ZNF157: variants seen among roughly 807,000 people sequenced by gnomAD.
ZNF157 encodes the protein zinc finger protein 157.
In ZNF157, 8 loss-of-function variants were observed where a neutral mutation model predicts 9.4. The ratio of observed to expected loss-of-function variants is 0.85; its 90% CI spans 0.50 to 1.53. The LOEUF is 1.53. Ranked by LOEUF, ZNF157 falls within the 40% of genes most tolerant of loss-of-function variation. The pLI, the probability that ZNF157 is intolerant of heterozygous loss-of-function variation, is 0.00. For missense variants in ZNF157, 316 were observed against 385.2 expected, an observed-to-expected ratio of 0.82 and a Z score of 1.50; for synonymous variants, 120 against 130.8, an observed-to-expected ratio of 0.92 and a Z score of 0.56.
Position 47,381,320 on chromosome X carries a change from G to T in ZNF157, c.72+10580G>T, listed in dbSNP as rs761390094. The stretch of plus-strand genomic sequence containing the variant: ...CATCACCTCCTGGTGGGGTTTGAGG[G>T]GGGGTGCTCTCCTGCTCTGCTCATG... On this transcript the variant is annotated intron_variant, in intron 1 of 3. Coordinates refer to ENST00000377073, the MANE Select transcript of ZNF157 (RefSeq NM_003446.4). Among the ~76,000 whole-genome samples the T allele has an allele frequency of 4.5e-5, 5 of 110,951 alleles. No individual in the cohort carries two copies. In the South Asian group the frequency reaches 1.9e-3, roughly 42 times the overall value.
At chrX:47,402,736 G>A (rs2055934390) in intron 1 of ZNF157, among the ~76,000 whole-genome samples, 1 of 107,172 alleles carries the variant, frequency 9.3e-6, no homozygotes, top group African/African-American at 3.4e-5. Flanking sequence ...TAGACATGGG[G>A]TTTCACCGTG....
chrX:47,378,607 C>T (rs1323836654), intron 1 of ZNF157, among the ~76,000 whole-genome samples: 5 of 111,854 alleles, frequency 4.5e-5, no homozygotes, highest in Non-Finnish European at 9.4e-5. Flanking sequence ...CTTAGGCCGA[C>T]GCAGGCAGAT....
At chrX:47,397,869 T>C (rs2055918586) in intron 1 of ZNF157, among the ~76,000 whole-genome samples, 1 of 111,053 alleles carries the variant, frequency 9.0e-6, no homozygotes, top group Non-Finnish European at 1.9e-5. Flanking sequence ...TATCTCTTGG[T>C]GGAAGCTTTC....
intron 1 of ZNF157, among the ~76,000 whole-genome samples, chrX:47,408,711 C>T (rs760116714): frequency 1.8e-5 from 2 of 111,987 alleles, no homozygotes; most frequent in Admixed American, 1.9e-4. Flanking sequence ...CCACTGCGCC[C>T]GGACAGCAGG....
intron 1 of ZNF157, among the ~76,000 whole-genome samples, chrX:47,374,740 G>A (rs1222452545): frequency 3.3e-4 from 19 of 58,091 alleles, no homozygotes; most frequent in Middle Eastern, 0.022. Context: ...ATGGAGTCTC[G>A]ATCTGTCACC....
intron 1 of ZNF157, among the ~76,000 whole-genome samples, chrX:47,383,958 A>G (rs2055872088): frequency 9.1e-6 from 1 of 110,349 alleles, no homozygotes; most frequent in South Asian, 3.8e-4. Flanking sequence ...CATTTGGGTG[A>G]AAATTGGAAT....
chrX:47,393,741 C>CA (rs1340299146), intron 1 of ZNF157, among the ~76,000 whole-genome samples: 3 of 30,943 alleles, frequency 9.7e-5, no homozygotes, highest in South Asian at 1.8e-3. Context: ...CCCTCCCCCG[C>CA]CCTTTTTTTT....
intron 1 of ZNF157, among the ~76,000 whole-genome samples, chrX:47,380,028 T>A (rs2055856551): frequency 1.8e-5 from 2 of 110,875 alleles, no homozygotes; most frequent in African/African-American, 6.6e-5. Context: ...CCTTTCCATA[T>A]AAACTTTAGA....
At position 47,386,541 on chromosome X, in the gene ZNF157, C is replaced by A. The variant is rs752379579; in HGVS notation, c.72+15801C>A. ...GTGGTGCGATCTCGGCTTGCTGCAA[C>A]CTTTGCCTCCCAGGTTCAAGCAATT... On this transcript the variant is annotated intron_variant, in intron 1 of 3. Transcript: ENST00000377073. Among the ~76,000 whole-genome samples the A allele has an allele frequency of 2.7e-5, 3 of 110,739 alleles. No homozygotes were observed. The Admixed American group carries it at 2.9e-4, about 11-fold the overall frequency.
chrX:47,374,972 C>T (rs140697043), intron 1 of ZNF157, among the ~76,000 whole-genome samples: 7,115 of 88,376 alleles, frequency 0.081, 810 homozygotes, highest in African/African-American at 0.28. Flanking sequence ...GGATTACAGG[C>T]GTGAGCCCTG....
intron 3 of ZNF157, among the ~76,000 whole-genome samples, chrX:47,411,876 C>T (rs767465731): frequency 1.8e-5 from 2 of 111,666 alleles, no homozygotes; most frequent in Admixed American, 9.6e-5. Flanking sequence ...CAGAAACAAA[C>T]AAATACATCA....
At chrX:47,374,542 G>A (rs1569255917) in intron 1 of ZNF157, among the ~76,000 whole-genome samples, 1 of 105,241 alleles carries the variant, frequency 9.5e-6, no homozygotes, top group Non-Finnish European at 1.9e-5. Context: ...GGGATTACAG[G>A]CACCCAACAC....
chrX:47,380,540 A>T (rs960726617), intron 1 of ZNF157, among the ~76,000 whole-genome samples: 1 of 110,267 alleles, frequency 9.1e-6, no homozygotes, highest in African/African-American at 3.3e-5. Flanking sequence ...TTCCCTTACC[A>T]GCGGAGTGTT....
chrX:47,410,209 GAGA>G (rs1248969480), intron 1 of ZNF157, 64 bp from the exon 2 acceptor site: 2 of 1,194,142 alleles, frequency 1.7e-6, no homozygotes, highest in Non-Finnish European at 1.1e-6. Context: ...GGGCTCCATT[GAGA>G]AGATTAGTTC....
At chrX:47,371,897 G>C (rs763497381) in intron 1 of ZNF157, among the ~76,000 whole-genome samples, 1 of 111,890 alleles carries the variant, frequency 8.9e-6, no homozygotes, top group East Asian at 2.8e-4. Context: ...GTAAGCCACC[G>C]TGCCCTGCCC....
chrX:47,405,795 T>TGCTTTTACATGGAAAACATA (rs1259454141), intron 1 of ZNF157, among the ~76,000 whole-genome samples: 1 of 112,073 alleles, frequency 8.9e-6, no homozygotes, highest in Non-Finnish European at 1.9e-5. Context: ...TTTTGTACTT[T>TGCTTTTACATGGAAAACATA]GCTTTTACAT....
intron 3 of ZNF157, among the ~76,000 whole-genome samples, chrX:47,411,317 C>T (rs2055964209): frequency 9.1e-6 from 1 of 110,044 alleles, no homozygotes; most frequent in African/African-American, 3.3e-5. Context: ...TTATTTACCA[C>T]TCTTATTTAT....
At chrX:47,395,790 A>C (rs1602768051) in intron 1 of ZNF157, among the ~76,000 whole-genome samples, 1 of 109,427 alleles carries the variant, frequency 9.1e-6, no homozygotes, top group East Asian at 2.9e-4. Flanking sequence ...CATGGTGAAA[A>C]CCCATCTCTA....
At chrX:47,411,051 C>T (rs1208222973) in intron 3 of ZNF157, among the ~76,000 whole-genome samples, 1 of 107,948 alleles carries the variant, frequency 9.3e-6, no homozygotes, top group African/African-American at 3.4e-5. Context: ...TGCAGTGGTG[C>T]GATCTCAGCT....
Sources: gnomAD v4.1 joint callset for allele counts (sites outside exome capture counted in the v4.1 genomes callset) on GRCh38, gnomAD v4.1.1 for gene constraint, MANE v1.5 for transcripts, NCBI Gene and HGNC (gene_info 2026-07-23, HGNC 2026-07-21) for gene names.